Variants in SYNE1 observed in about 807,000 individuals in gnomAD.
SYNE1 encodes spectrin repeat containing nuclear envelope protein 1.
A neutral mutation model predicts 1,111.0 loss-of-function variants in SYNE1; 616 were observed. The observed-to-expected ratio is 0.55, with a 90% CI of 0.52 to 0.59. The LOEUF (loss-of-function observed/expected upper bound fraction) is 0.59. Ranked by LOEUF, SYNE1 falls within the 20% of genes least tolerant of loss-of-function variation. The pLI is 0.00. For missense variants in SYNE1, 10,006 were observed against 10,417.0 expected (o/e 0.96, Z 1.72); for synonymous variants, 3,855 against 3,825.8 (o/e 1.01, Z -0.28).
intron 3 of SYNE1, among the ~76,000 whole-genome samples, chr6:152,597,380 T>C (rs1314079975): frequency 1.3e-5 from 2 of 152,172 alleles, no homozygotes; most frequent in Admixed American, 6.5e-5. Flanking sequence ...TGGGTTCAAG[T>C]GATCCTTCTA....
rs190388530 is a variant in SYNE1, at chr6:152,479,533, A to C, written c.1350+3552T>G. On this transcript the variant is annotated intron_variant, in intron 14 of 145. Coordinates refer to ENST00000367255, the MANE Select transcript of SYNE1 (RefSeq NM_182961.4). Reference sequence around the variant, plus strand: ...CTGAAGACAACCTGGCTCATCAGCTATGTGACCTTGGGCAAGTCACTTAAC... The same window carrying C: ...CTGAAGACAACCTGGCTCATCAGCTCTGTGACCTTGGGCAAGTCACTTAAC... Among the ~76,000 whole-genome samples, 14 of 152,304 alleles carry C rather than the reference A, an allele frequency of 9.2e-5. No individual in the cohort carries two copies. In the East Asian group the frequency reaches 2.7e-3, roughly 29 times the overall value.
intron 4 of SYNE1, among the ~76,000 whole-genome samples, chr6:152,537,446 TATA>T (rs1438455903): frequency 6.6e-6 from 1 of 152,024 alleles, no homozygotes; most frequent in Non-Finnish European, 1.5e-5. Context: ...TATTTTTACT[TATA>T]ATAATTAACA....
chr6:152,176,195 A>G (rs746575884), intron 130 of SYNE1, among the ~76,000 whole-genome samples, 199 bp downstream of exon 130: 6 of 152,168 alleles, frequency 3.9e-5, no homozygotes, highest in Admixed American at 6.5e-5. Context: ...TACAAACAAC[A>G]TGAGATTTAT....
At chr6:152,180,833 G>A (rs1394282126) in intron 128 of SYNE1, among the ~76,000 whole-genome samples, 5 of 152,134 alleles carry the variant, frequency 3.3e-5, no homozygotes, top group Non-Finnish European at 1.5e-5. Context: ...GGAGGCAGGT[G>A]CCCCAAGGCT....
chr6:152,258,919 ATT>A (rs748433977), intron 101 of SYNE1, among the ~76,000 whole-genome samples: 1 of 151,652 alleles, frequency 6.6e-6, no homozygotes, highest in Non-Finnish European at 1.5e-5. Context: ...TAATTTTTGT[ATT>A]TTTAGTAGAG....
At chr6:152,289,543 A>G (rs910373683) in intron 95 of SYNE1, among the ~76,000 whole-genome samples, 6 of 152,214 alleles carry the variant, frequency 3.9e-5, no homozygotes, top group Non-Finnish European at 8.8e-5. Context: ...GGTGTGCACC[A>G]CCATGCCCAG....
chr6:152,220,009 A>G (rs1175337486), intron 119 of SYNE1, among the ~76,000 whole-genome samples: 1 of 152,250 alleles, frequency 6.6e-6, no homozygotes, highest in Non-Finnish European at 1.5e-5. Flanking sequence ...ATAACAGACA[A>G]GGTGTATTTC....
chr6:152,214,138 A>G (rs560748916), intron 122 of SYNE1, among the ~76,000 whole-genome samples: 1 of 150,904 alleles, frequency 6.6e-6, no homozygotes, highest in Non-Finnish European at 1.5e-5. Context: ...CATTGCAGTG[A>G]GCCGAGATTG....
intron 63 of SYNE1, among the ~76,000 whole-genome samples, chr6:152,363,301 T>C (rs1010100609): frequency 2.2e-4 from 33 of 147,716 alleles, no homozygotes; most frequent in South Asian, 4.5e-4. Context: ...AAGGCCATCC[T>C]GGCTAACACA....
chr6:152,261,819 G>A (rs919415730), intron 101 of SYNE1, among the ~76,000 whole-genome samples: 5 of 152,074 alleles, frequency 3.3e-5, no homozygotes, highest in African/African-American at 1.2e-4. Context: ...GAAAAATATT[G>A]TCTATAAATC....
intron 3 of SYNE1, among the ~76,000 whole-genome samples, chr6:152,543,934 C>T (rs2099290272): frequency 6.6e-6 from 1 of 151,982 alleles, no homozygotes; most frequent in African/African-American, 2.4e-5. Flanking sequence ...ACAAGTACAC[C>T]CTACAGAGTT....
At chr6:152,550,818 T>A (rs2099342600) in intron 3 of SYNE1, among the ~76,000 whole-genome samples, 1 of 152,126 alleles carries the variant, frequency 6.6e-6, no homozygotes, top group Non-Finnish European at 1.5e-5. Flanking sequence ...GTGCACCGTA[T>A]CACGTTTCTA....
chr6:152,257,201 A>T (rs1023413369), intron 101 of SYNE1, among the ~76,000 whole-genome samples: 7 of 152,208 alleles, frequency 4.6e-5, no homozygotes, highest in African/African-American at 1.7e-4. Context: ...CAAACATCAC[A>T]CTATACACCA....
chr6:152,366,193 G>A (rs536694802), intron 62 of SYNE1, among the ~76,000 whole-genome samples: 2 of 152,150 alleles, frequency 1.3e-5, no homozygotes, highest in Admixed American at 6.5e-5. Context: ...TTAGCCAGGC[G>A]TGGTGGTGCA....
chr6:152,314,125 C>T (rs2095637807), intron 87 of SYNE1, among the ~76,000 whole-genome samples: 1 of 152,216 alleles, frequency 6.6e-6, no homozygotes, highest in South Asian at 2.1e-4. Context: ...TATTGTCTTA[C>T]TGTCCTCAAT....
chr6:152,369,325 A>C, intron 60 of SYNE1, 146 bp downstream of exon 60: 1 of 1,416,778 alleles, frequency 7.1e-7, no homozygotes. Flanking sequence ...GTCAGAAAAC[A>C]TAAAATCCAC....
intron 16 of SYNE1, among the ~76,000 whole-genome samples, chr6:152,470,969 T>G (rs1176788660): frequency 6.6e-6 from 1 of 152,168 alleles, no homozygotes; most frequent in Non-Finnish European, 1.5e-5. Flanking sequence ...GCAAACAAAT[T>G]CTTTCATCAA....
At chr6:152,202,008 G>GA (rs112955294) in intron 126 of SYNE1, 59 bp from the exon 127 acceptor site, 20 of 1,574,594 alleles carry the variant, frequency 1.3e-5, no homozygotes, top group African/African-American at 8.1e-5. Flanking sequence ...ACTGGGGGGG[G>GA]AAAAGAAAAG....
At chr6:152,596,098 TAAAAAAAAAAAA>T (rs71017542) in intron 3 of SYNE1, among the ~76,000 whole-genome samples, 1 of 18,590 alleles carries the variant, frequency 5.4e-5, no homozygotes, top group Non-Finnish European at 1.0e-4. Flanking sequence ...AAGGGCAATC[TAAAAAAAAAAAA>T]AAAAAAAAAA....
Sources: allele counts gnomAD v4.1 joint callset (sites outside exome capture counted in the v4.1 genomes callset), GRCh38; gene constraint gnomAD v4.1.1; transcripts MANE v1.5; gene names NCBI Gene and HGNC (gene_info 2026-07-23, HGNC 2026-07-21).